Variants in DYSF observed in about 807,000 individuals in gnomAD.
The protein encoded by DYSF is dystrophy-associated fer-1-like 1.
In DYSF, 212 loss-of-function variants were observed where a neutral mutation model predicts 274.9. The ratio of observed to expected loss-of-function variants is 0.77; its 90% CI spans 0.69 to 0.86. The LOEUF (loss-of-function observed/expected upper bound fraction) is 0.86, where lower values mean the gene tolerates loss of function less well. DYSF is among the 40% of genes least tolerant of loss of function. The pLI is 0.00. For synonymous variants in DYSF, 1,091 were observed against 1,078.7 expected (o/e 1.01, Z -0.22); for missense variants, 2,666 against 2,783.2 (o/e 0.96, Z 0.95).
intron 47 of DYSF, among the ~76,000 whole-genome samples, chr2:71,667,100 G>A (rs776289559): frequency 6.6e-6 from 1 of 152,168 alleles, no homozygotes; most frequent in Admixed American, 6.5e-5. Context: ...GATTTGTATG[G>A]TGGAAAATAG....
chr2:71,570,833 A>C, intron 29 of DYSF, 92 bp downstream of exon 29: 2 of 1,555,326 alleles, frequency 1.3e-6, no homozygotes, highest in Admixed American at 1.8e-5. Flanking sequence ...AGACACATGC[A>C]TGTGTGCACA....
At chr2:71,512,392 A>G (rs1040022475) in intron 5 of DYSF, among the ~76,000 whole-genome samples, 1 of 152,086 alleles carries the variant, frequency 6.6e-6, no homozygotes, top group African/African-American at 2.4e-5. Flanking sequence ...CCTGAACTGA[A>G]CTTCAGGGTT....
chr2:71,669,887 A>G, intron 51 of DYSF, 141 bp downstream of exon 51: 1 of 1,099,694 alleles, frequency 9.1e-7, no homozygotes, highest in Non-Finnish European at 1.4e-6. Flanking sequence ...CCATCTCCAC[A>G]TGGCCACCAC....
intron 32 of DYSF, among the ~76,000 whole-genome samples, chr2:71,597,694 C>A (rs1340612365): frequency 2.0e-5 from 3 of 152,130 alleles, no homozygotes; most frequent in Non-Finnish European, 4.4e-5. Flanking sequence ...TGGCTGGGTC[C>A]CAGGGTGGCG....
At chr2:71,507,358 A>C (rs1464722377) in intron 4 of DYSF, among the ~76,000 whole-genome samples, 2 of 152,218 alleles carry the variant, frequency 1.3e-5, no homozygotes, top group Non-Finnish European at 2.9e-5. Context: ...GTCCACTCAG[A>C]CCGCTTGATT....
At position 71,667,447 on chromosome 2, in the gene DYSF, C is replaced by G. The variant is rs370866476; in HGVS notation, c.5389C>G (p.Gln1797Glu). Residue 1797 changes from glutamine (Q) to glutamate (E), a missense_variant, in exon 48 of 56, where the codon CAG becomes GAG. Around this residue, in one of 3 missense-constraint regions of DYSF, gnomAD observed 1,460 missense variants for 1,502.1 expected, o/e 0.97. Coordinates refer to ENST00000410020, the MANE Select transcript of DYSF (RefSeq NM_001130987.2). ...TCTGGCTCTGCATGTGCTTCAGCAG[C>G]AGGGCCTGGTCCCGGAGCACGTGGA... Reference protein sequence around the residue: ...ERLALHVLQQQGLVPEHVESR... With the variant: ...ERLALHVLQQEGLVPEHVESR... 20 of 1,614,130 alleles carry G rather than the reference C, an allele frequency of 1.2e-5. No individual in the cohort carries two copies. In the African/African-American group the frequency reaches 1.7e-4, roughly 14 times the overall value.
In DYSF at chr2:71,515,661, G is replaced by T; in HGVS notation, c.798G>T (p.Gly266=). 2 of 1,614,010 alleles carry T rather than the reference G, an allele frequency of 1.2e-6. No individual in the cohort carries two copies. The highest frequency in any genetic ancestry group is 1.7e-6 in the Non-Finnish European group (2 of 1,179,970). The change falls in exon 8 of 56, where the codon GGG becomes GGT. Residue 266 remains glycine, a synonymous_variant. Coordinates refer to ENST00000410020, the MANE Select transcript of DYSF (RefSeq NM_001130987.2). ...TGATCGAGGGGCGCCAGCTGCCGGG[G>T]GTGAACATCAAGCCTGTGGTCAAGG... ...VQVIEGRQLP[G]VNIKPVVKVT...
chr2:71,465,563 G>T (rs1290246917), upstream of DYSF, among the ~76,000 whole-genome samples: 1 of 152,240 alleles, frequency 6.6e-6, no homozygotes, highest in African/African-American at 2.4e-5. Flanking sequence ...ACACAGCACT[G>T]GTTGGGGGCA....
chr2:71,660,718 G>A (rs1469545526), intron 45 of DYSF, 67 bp downstream of exon 45: 11 of 1,352,534 alleles, frequency 8.1e-6, no homozygotes, highest in African/African-American at 2.9e-5. Flanking sequence ...TCTAGTGGGG[G>A]AGATGTGACT....
chr2:71,636,915 G>A (rs975496442), intron 41 of DYSF, among the ~76,000 whole-genome samples: 2 of 152,166 alleles, frequency 1.3e-5, no homozygotes, highest in African/African-American at 4.8e-5. Flanking sequence ...TCTGCAAGGC[G>A]AGGGGAGATG....
intron 7 of DYSF, 117 bp from the exon 8 acceptor site, chr2:71,515,506 T>A: frequency 1.4e-6 from 2 of 1,465,552 alleles, no homozygotes. Context: ...TTTTTAATAC[T>A]TTCCCCAAGA....
At chr2:71,618,473 A>AGG (rs2093990114) in intron 40 of DYSF, among the ~76,000 whole-genome samples, 4 of 67,292 alleles carry the variant, frequency 5.9e-5, no homozygotes, top group East Asian at 5.6e-4. Flanking sequence ...TGTGTGGTAG[A>AGG]GGTGTGTGTG....
intron 12 of DYSF, among the ~76,000 whole-genome samples, chr2:71,522,654 T>G (rs2152744352): frequency 6.6e-6 from 1 of 152,244 alleles, no homozygotes; most frequent in Non-Finnish European, 1.5e-5. Context: ...GGACGCTCAG[T>G]TTCAGTTGCC....
At chr2:71,495,754 G>T (rs2084316486) in intron 3 of DYSF, among the ~76,000 whole-genome samples, 1 of 152,048 alleles carries the variant, frequency 6.6e-6, no homozygotes, top group South Asian at 2.1e-4. Context: ...ACATTCTTCA[G>T]CTTAAACCGC....
chr2:71,533,739 G>A (rs2152759242), intron 14 of DYSF, among the ~76,000 whole-genome samples: 1 of 152,328 alleles, frequency 6.6e-6, no homozygotes. Context: ...AGCAAAACAT[G>A]AGCATGCAGT....
intron 30 of DYSF, among the ~76,000 whole-genome samples, chr2:71,583,641 A>G (rs1374730229): frequency 1.3e-5 from 2 of 152,182 alleles, no homozygotes; most frequent in Admixed American, 6.5e-5. Context: ...GGCCCTGTTT[A>G]GACCAAGGCA....
chr2:71,656,206 G>A lies in DYSF; in HGVS notation c.4671G>A (p.Leu1557=), dbSNP rs749333686. Residue 1557 remains leucine (L), a synonymous_variant, in exon 43 of 56, where the codon CTG becomes CTA. Coordinates refer to ENST00000410020, the MANE Select transcript of DYSF (RefSeq NM_001130987.2). ...QLENVEAFEG[L]SDFCNTFKLY... is the part of the protein sequence containing the mutation. Reference sequence around the variant, plus strand: ...AGAATGTGGAGGCCTTTGAGGGCCTGTCTGACTTTTGTAACACCTTCAAGC... The same window carrying A: ...AGAATGTGGAGGCCTTTGAGGGCCTATCTGACTTTTGTAACACCTTCAAGC... The A allele has an allele frequency of 5.0e-6, 8 of 1,614,112 alleles. No individual in the cohort carries two copies. The highest frequency in any genetic ancestry group is 6.8e-6 in the Non-Finnish European group (8 of 1,180,060).
chr2:71,686,571 G>A lies in DYSF; in HGVS notation c.*79G>A, dbSNP rs1349301139. ...GCCTGCCTCCTCCGCCCAGCTCGGC[G>A]AGCTCCTCCAGACCTCCTAGGCCTG... is the stretch of plus-strand genomic sequence containing the variant. On this transcript the variant is annotated 3_prime_UTR_variant, in exon 56 of 56. Transcript: ENST00000410020. The A allele has an allele frequency of 1.0e-5, 16 of 1,561,804 alleles. No homozygotes were observed. Among genetic ancestry groups the A allele is most frequent in the East Asian group, 2.2e-5 (1 of 44,638 alleles).
chr2:71,597,571 G>T (rs943899501), intron 32 of DYSF, among the ~76,000 whole-genome samples: 2 of 152,202 alleles, frequency 1.3e-5, no homozygotes, highest in East Asian at 3.9e-4. Context: ...CCAGCAGCCT[G>T]AATGAACCTT....
Sources: gnomAD v4.1 joint callset for allele counts (sites outside exome capture counted in the v4.1 genomes callset) on GRCh38, gnomAD v4.1.1 for gene constraint, gnomAD v4.1.1 regional missense constraint, MANE v1.5 for transcripts, NCBI Gene and HGNC (gene_info 2026-07-23, HGNC 2026-07-21) for gene names.